AIG1: variants seen among roughly 807,000 people sequenced by gnomAD.
AIG1 encodes the protein androgen-induced gene 1 protein.
A neutral mutation model predicts 31.4 loss-of-function variants in AIG1; 23 were observed. The observed-to-expected ratio is 0.73, with a 90% CI of 0.53 to 1.04. The LOEUF (loss-of-function observed/expected upper bound fraction) is 1.04. AIG1 is among the 50% of genes least tolerant of loss of function. AIG1 has a pLI of 0.00. For synonymous variants in AIG1, 100 were observed against 110.5 expected (o/e 0.90, Z 0.60); for missense variants, 274 against 295.0 (o/e 0.93, Z 0.52).
At chr6:143,236,462 C>G (rs567121194) in intron 3 of AIG1, among the ~76,000 whole-genome samples, 1 of 152,246 alleles carries the variant, frequency 6.6e-6, no homozygotes, top group Non-Finnish European at 1.5e-5. Flanking sequence ...TCTTGCCATC[C>G]GGCCTATGGC....
chr6:143,259,031 A>G (rs1021032467), intron 3 of AIG1, among the ~76,000 whole-genome samples: 6 of 152,202 alleles, frequency 3.9e-5, no homozygotes, highest in Non-Finnish European at 4.4e-5. Flanking sequence ...CTCTTAGCCC[A>G]TATATCCAAT....
At chr6:143,175,851 A>G (rs1233323092) in intron 3 of AIG1, among the ~76,000 whole-genome samples, 3 of 152,152 alleles carry the variant, frequency 2.0e-5, no homozygotes, top group Admixed American at 6.5e-5. Context: ...CTGGTGAGCT[A>G]CTGTGATCTT....
At chr6:143,071,865 T>C (rs1051317976) in intron 1 of AIG1, among the ~76,000 whole-genome samples, 4 of 151,806 alleles carry the variant, frequency 2.6e-5, no homozygotes, top group Admixed American at 2.0e-4. Flanking sequence ...CTCACTGTCA[T>C]CTCAAACTTC....
intron 3 of AIG1, among the ~76,000 whole-genome samples, chr6:143,262,180 A>G (rs916262819): frequency 6.6e-5 from 10 of 152,240 alleles, no homozygotes; most frequent in Admixed American, 5.2e-4. Flanking sequence ...TCATCTCTAT[A>G]TTAAAACCAC....
At chr6:143,324,600 T>G (rs1776458838) in intron 4 of AIG1, among the ~76,000 whole-genome samples, 1 of 152,218 alleles carries the variant, frequency 6.6e-6, no homozygotes, top group African/African-American at 2.4e-5. Context: ...TTACTTAATC[T>G]GTCTAGGCCT....
At chr6:143,182,449 C>A (rs949865366) in intron 3 of AIG1, among the ~76,000 whole-genome samples, 1 of 152,070 alleles carries the variant, frequency 6.6e-6, no homozygotes, top group Non-Finnish European at 1.5e-5. Context: ...TCCTTGAGCA[C>A]CCCAGGTACA....
intron 1 of AIG1, among the ~76,000 whole-genome samples, chr6:143,062,612 G>A (rs186306043): frequency 6.6e-5 from 10 of 152,184 alleles, no homozygotes; most frequent in African/African-American, 2.2e-4. Flanking sequence ...CAATTATGTT[G>A]TGTAGCAGAC....
At chr6:143,262,901 A>G (rs1204366278) in intron 3 of AIG1, among the ~76,000 whole-genome samples, 3 of 152,080 alleles carry the variant, frequency 2.0e-5, no homozygotes, top group Admixed American at 6.6e-5. Flanking sequence ...ATGCTTTCTA[A>G]TTTTCTCCCC....
At chr6:143,213,023 T>G (rs1011825575) in intron 3 of AIG1, among the ~76,000 whole-genome samples, 1 of 152,194 alleles carries the variant, frequency 6.6e-6, no homozygotes, top group Non-Finnish European at 1.5e-5. Flanking sequence ...GAAAAAGCAT[T>G]GTGATCCTCA....
chr6:143,210,032 C>T (rs1366006331), intron 3 of AIG1, among the ~76,000 whole-genome samples: 5 of 152,160 alleles, frequency 3.3e-5, no homozygotes, highest in East Asian at 3.9e-4. Context: ...ATAATCCCCA[C>T]GTGTCATGGG....
At chr6:143,147,862 G>A (rs1784838242) in intron 2 of AIG1, among the ~76,000 whole-genome samples, 1 of 152,132 alleles carries the variant, frequency 6.6e-6, no homozygotes, top group Non-Finnish European at 1.5e-5. Flanking sequence ...GGAATAATGA[G>A]AGTTGACTTT....
chr6:143,147,403 C>G (rs1784804191), intron 2 of AIG1, among the ~76,000 whole-genome samples: 1 of 152,108 alleles, frequency 6.6e-6, no homozygotes, highest in African/African-American at 2.4e-5. Flanking sequence ...ATTTTGTCAC[C>G]TTGCCACTTG....
intron 4 of AIG1, among the ~76,000 whole-genome samples, chr6:143,332,853 A>G (rs1777190841): frequency 6.6e-6 from 1 of 152,252 alleles, no homozygotes; most frequent in Non-Finnish European, 1.5e-5. Flanking sequence ...AGAAACTGCC[A>G]GAGTATGAGA....
At chr6:143,145,046 A>G (rs1784590481) in intron 2 of AIG1, among the ~76,000 whole-genome samples, 1 of 152,106 alleles carries the variant, frequency 6.6e-6, no homozygotes, top group Non-Finnish European at 1.5e-5. Context: ...TTTTATTGAG[A>G]TAGGGTCTCA....
intron 3 of AIG1, among the ~76,000 whole-genome samples, chr6:143,246,835 A>G (rs1020019071): frequency 6.6e-6 from 1 of 152,212 alleles, no homozygotes; most frequent in African/African-American, 2.4e-5. Flanking sequence ...ATTTCACACC[A>G]ATTGCTAGTT....
In AIG1 at chr6:143,299,690, A is replaced by T. The variant is rs1262447749; in HGVS notation, c.515+15465A>T. ...GCTGCACAGTCATGTAATTTATGAC[A>T]CACAAAACTCTTCAACAGTAGGCTC... On this transcript the variant is annotated intron_variant, in intron 4 of 5. Coordinates refer to ENST00000357847, the MANE Select transcript of AIG1 (RefSeq NM_016108.4). The surrounding 1 kb of genome is among the most constrained non-coding windows in gnomAD (Gnocchi z 4.1). The T allele has an allele frequency of 6.6e-6, 1 of 152,246 alleles. No individual in the cohort carries two copies. Among genetic ancestry groups the T allele is most frequent in the Non-Finnish European group, 1.5e-5 (1 of 68,054 alleles). The allele number at this position is 152,246 out of a possible 1,614,324, so 9.4% of individuals were successfully genotyped here.
At chr6:143,248,656 C>T (rs1377717660) in intron 3 of AIG1, among the ~76,000 whole-genome samples, 1 of 152,188 alleles carries the variant, frequency 6.6e-6, no homozygotes, top group Non-Finnish European at 1.5e-5. Context: ...TCCTGAGCCA[C>T]GAGTCAAGCT....
chr6:143,225,009 C>T (rs1792834507), intron 3 of AIG1, among the ~76,000 whole-genome samples: 1 of 152,184 alleles, frequency 6.6e-6, no homozygotes, highest in Non-Finnish European at 1.5e-5. Context: ...ATTTAAAAGT[C>T]TTCCTGCTTG....
chr6:143,311,458 T>C lies in AIG1; in HGVS notation c.516-21824T>C, dbSNP rs151214939. Among the ~76,000 whole-genome samples the C allele has an allele frequency of 8.7e-3, 1,319 of 151,994 alleles. 14 individuals are homozygous for C. Among genetic ancestry groups the C allele is most frequent in the African/African-American group, 0.029 (1,222 of 41,536 alleles). The stretch of plus-strand genomic sequence containing the variant: ...AATAAAATAAATTTAAAATAATTAT[T>C]CACCAAAACCAAGTGGAATGTATTC... On this transcript the variant is annotated intron_variant, in intron 4 of 5. Coordinates refer to ENST00000357847, the MANE Select transcript of AIG1 (RefSeq NM_016108.4).
Sources: gnomAD v4.1 joint callset for allele counts (sites outside exome capture counted in the v4.1 genomes callset) on GRCh38, gnomAD v4.1.1 for gene constraint, Gnocchi (gnomAD v3.1) non-coding constraint, MANE v1.5 for transcripts, NCBI Gene and HGNC (gene_info 2026-07-23, HGNC 2026-07-21) for gene names.